The following TMEM154 variants were observed in gnomAD, a reference collection of about 807,000 sequenced individuals.
TMEM154 encodes transmembrane protein 154.
In TMEM154, 27 loss-of-function variants were observed where a neutral mutation model predicts 24.5. That is an observed-to-expected ratio of 1.10 (90% confidence interval 0.81 to 1.52). TMEM154 has a LOEUF of 1.52. Ranked by LOEUF, TMEM154 falls within the 40% of genes most tolerant of loss-of-function variation. The pLI, the probability that TMEM154 is intolerant of heterozygous loss-of-function variation, is 0.00. For missense variants in TMEM154, 228 were observed against 213.4 expected, an observed-to-expected ratio of 1.07 and a Z score of -0.43; for synonymous variants, 67 against 76.8, an observed-to-expected ratio of 0.87 and a Z score of 0.67.
rs573950536 is a variant in TMEM154, at chr4:152,655,214, C to T, written c.65-2287G>A. ...GTAGTAATAGACAACACTTAAAGCA[C>T]GGAAGGAGAGGGAAATAAGGCATCC... On this transcript the variant is annotated intron_variant, in intron 1 of 6. Coordinates refer to ENST00000304385, the MANE Select transcript of TMEM154 (RefSeq NM_152680.3). Among the ~76,000 whole-genome samples the T allele has an allele frequency of 7.2e-5, 11 of 152,282 alleles. No individual in the cohort carries two copies. In the East Asian group the frequency reaches 1.5e-3, roughly 21 times the overall value.
At chr4:152,661,729 A>G (rs1728617623) in intron 1 of TMEM154, among the ~76,000 whole-genome samples, 1 of 152,150 alleles carries the variant, frequency 6.6e-6, no homozygotes, top group Non-Finnish European at 1.5e-5. Context: ...CTATTTCCAC[A>G]TCTCTGTTGA....
Position 152,652,754 on chromosome 4 carries a change from C to G in TMEM154, c.238G>C (p.Val80Leu). 1 of 1,613,946 alleles carries G rather than the reference C, an allele frequency of 6.2e-7. No individual in the cohort carries two copies. The highest frequency in any genetic ancestry group is 1.1e-5 in the South Asian group (1 of 91,072). Residue 80 changes from valine (V) to leucine (L), a missense_variant, in exon 2 of 7, where the codon GTG becomes CTG. By Grantham distance (32) the Val-to-Leu change is conservative. Coordinates refer to ENST00000304385, the MANE Select transcript of TMEM154 (RefSeq NM_152680.3). Reference sequence around the variant, plus strand: ...ACCAATAAAATCAATGGGATTAACACCATCAGTATAAACTCTAACTGATTT... The same window carrying G: ...ACCAATAAAATCAATGGGATTAACAGCATCAGTATAAACTCTAACTGATTT... ...DENQLEFILM[V>L]LIPLILLVLL...
At position 152,626,240 on chromosome 4, in the gene TMEM154, A is replaced by C. The variant is rs1204795358; in HGVS notation, c.*2306T>G. 3 of 152,672 alleles carry C rather than the reference A, an allele frequency of 2.0e-5. No homozygotes were observed. The highest frequency in any genetic ancestry group is 7.2e-5 in the African/African-American group (3 of 41,466). 9.5% of individuals were successfully genotyped at this position (152,672 alleles called of 1,614,324 possible). On this transcript the variant is annotated 3_prime_UTR_variant, in exon 7 of 7. Transcript: ENST00000304385. ...AACTTACATATCTTTTAAATATTCG[A>C]AAGTCAGATTTTGTTCTGATTGCCC...
intron 1 of TMEM154, among the ~76,000 whole-genome samples, chr4:152,677,717 A>G (rs1728977953): frequency 6.6e-6 from 1 of 152,210 alleles, no homozygotes; most frequent in Non-Finnish European, 1.5e-5. Flanking sequence ...GCAACTTTTC[A>G]TCTTTGACTT....
Position 152,651,872 on chromosome 4 carries a change from A to G in TMEM154, c.364+666T>C, listed in dbSNP as rs554277500. 1.2e-3 allele frequency among the ~76,000 whole-genome samples: 185 copies of G among 151,900 alleles called. 1 individual carries two copies. Among genetic ancestry groups the G allele is most frequent in the African/African-American group, 4.4e-3 (183 of 41,556 alleles). On this transcript the variant is annotated intron_variant, in intron 3 of 6. Coordinates refer to ENST00000304385, the MANE Select transcript of TMEM154 (RefSeq NM_152680.3). ...TAGCTTTTCACTTAAAATGAGAGAT[A>G]TGTGACTCTTCTTCCATTTGAACAC...
At position 152,661,291 on chromosome 4, in the gene TMEM154, TCTCTCTCTCTC is replaced by T. The variant is rs1561054945; in HGVS notation, c.65-8375_65-8365del. 2.6e-3 allele frequency among the ~76,000 whole-genome samples: 147 copies of T among 56,556 alleles called. 1 individual carries two copies. Among genetic ancestry groups the T allele is most frequent in the African/African-American group, 7.8e-3 (135 of 17,378 alleles). 37.1% of individuals were successfully genotyped at this position (56,556 alleles called of 152,430 possible). A position where few individuals can be genotyped will look rare whatever the true frequency, so the allele number is the denominator to read the frequency against. ...ATCAAGGGATTGTTCTCTTTCTCTC[TCTCTCTCTCTC>T]TCTCTCTCTCTCTCTCTCTCTCTCT... On this transcript the variant is annotated intron_variant, in intron 1 of 6. Coordinates refer to ENST00000304385, the MANE Select transcript of TMEM154 (RefSeq NM_152680.3).
intron 6 of TMEM154, among the ~76,000 whole-genome samples, chr4:152,639,620 C>G (rs2149779960): frequency 6.6e-6 from 1 of 151,738 alleles, no homozygotes; most frequent in East Asian, 1.9e-4. Context: ...CTCCCCATTT[C>G]TTTTAGAGAC....
intron 3 of TMEM154, 143 bp from the exon 4 acceptor site, chr4:152,644,585 G>T: frequency 1.3e-6 from 1 of 797,644 alleles, no homozygotes; most frequent in Non-Finnish European, 2.1e-6. Context: ...TTAACTTAGA[G>T]TCAAAGAAGT....
chr4:152,675,645 AC>A (rs1728940631), intron 1 of TMEM154, among the ~76,000 whole-genome samples: 3 of 152,240 alleles, frequency 2.0e-5, no homozygotes, highest in South Asian at 2.1e-4. Context: ...AAAAAAAAAA[AC>A]AAATTTTCTA....
chr4:152,660,247 G>C (rs1728573147), intron 1 of TMEM154, among the ~76,000 whole-genome samples: 1 of 152,156 alleles, frequency 6.6e-6, no homozygotes, highest in Admixed American at 6.5e-5. Context: ...CTTGGCCAGT[G>C]AAGACTGGTA....
At chr4:152,635,033 C>T (rs1464700873) in intron 6 of TMEM154, among the ~76,000 whole-genome samples, 1 of 152,076 alleles carries the variant, frequency 6.6e-6, no homozygotes, top group African/African-American at 2.4e-5. Context: ...GTTTAAATGA[C>T]TTTGAGGGAC....
At chr4:152,630,564 C>T (rs1190114209) in intron 6 of TMEM154, among the ~76,000 whole-genome samples, 1 of 152,124 alleles carries the variant, frequency 6.6e-6, no homozygotes, top group African/African-American at 2.4e-5. Context: ...TCCTTTGTGA[C>T]CTTATCTTGA....
chr4:152,644,488 TAAC>T (rs1561048100), intron 3 of TMEM154, 46 bp from the exon 4 acceptor site: 1 of 1,597,092 alleles, frequency 6.3e-7, no homozygotes. Flanking sequence ...TGTTCTTCTG[TAAC>T]AACTTTTAAT....
intron 1 of TMEM154, among the ~76,000 whole-genome samples, chr4:152,670,599 A>G (rs1305638011): frequency 2.6e-5 from 4 of 152,190 alleles, no homozygotes; most frequent in Non-Finnish European, 5.9e-5. Flanking sequence ...CATCTCAAAA[A>G]AATAAAAATA....
chr4:152,629,527 C>A (rs1751992092), intron 6 of TMEM154, among the ~76,000 whole-genome samples: 1 of 152,224 alleles, frequency 6.6e-6, no homozygotes, highest in South Asian at 2.1e-4. Context: ...GCCCACAGCT[C>A]CACCAAGTCT....
intron 6 of TMEM154, among the ~76,000 whole-genome samples, chr4:152,633,786 G>A (rs1752095223): frequency 6.6e-6 from 1 of 152,020 alleles, no homozygotes; most frequent in African/African-American, 2.4e-5. Context: ...CCAGCCTGGG[G>A]AACATAGTGA....
At chr4:152,631,561 C>T (rs908763431) in intron 6 of TMEM154, among the ~76,000 whole-genome samples, 15 of 151,520 alleles carry the variant, frequency 9.9e-5, no homozygotes, top group Non-Finnish European at 1.9e-4. Context: ...ATCTCCCCTT[C>T]CCCCAGTAGC....
At chr4:152,673,412 T>G (rs1728886748) in intron 1 of TMEM154, among the ~76,000 whole-genome samples, 1 of 152,230 alleles carries the variant, frequency 6.6e-6, no homozygotes, top group Non-Finnish European at 1.5e-5. Context: ...GCAGTTCTCC[T>G]GCCTTAGCCT....
At chr4:152,632,785 C>A (rs1326912469) in intron 6 of TMEM154, among the ~76,000 whole-genome samples, 1 of 152,084 alleles carries the variant, frequency 6.6e-6, no homozygotes, top group African/African-American at 2.4e-5. Context: ...GGTCAGTTGT[C>A]CTGAGTCTGA....
Sources: gnomAD v4.1 joint callset for allele counts (sites outside exome capture counted in the v4.1 genomes callset) on GRCh38, gnomAD v4.1.1 for gene constraint, MANE v1.5 for transcripts, NCBI Gene and HGNC (gene_info 2026-07-23, HGNC 2026-07-21) for gene names.